Variants in EPHA6 observed in about 807,000 individuals in gnomAD.
EPHA6 encodes the protein ephrin type-A receptor 6.
In EPHA6, 50 loss-of-function variants were observed where a neutral mutation model predicts 112.0. That is an observed-to-expected ratio of 0.45 (90% confidence interval 0.36 to 0.56). EPHA6 has a LOEUF of 0.56. Among genes scored for constraint, EPHA6 ranks in the 20% least tolerant of loss-of-function variants. The pLI, the probability that EPHA6 is intolerant of heterozygous loss-of-function variation, is 0.00. For missense variants in EPHA6, 1,280 were observed against 1,417.4 expected (o/e 0.90, Z 1.56); for synonymous variants, 529 against 490.7 (o/e 1.08, Z -1.03).
intron 2 of EPHA6, among the ~76,000 whole-genome samples, chr3:96,979,355 C>T (rs895988008): frequency 2.0e-5 from 3 of 152,078 alleles, no homozygotes; most frequent in Non-Finnish European, 4.4e-5. Context: ...CCAGCTTCAT[C>T]CATGTCCCTA....
At chr3:97,585,657 A>G (rs1318004342) in intron 11 of EPHA6, among the ~76,000 whole-genome samples, 1 of 152,162 alleles carries the variant, frequency 6.6e-6, no homozygotes, top group Non-Finnish European at 1.5e-5. Flanking sequence ...TTTTAATTGT[A>G]TTTAGTGCTG....
chr3:97,143,794 GAGACTCC>G (rs1379272852), intron 3 of EPHA6, among the ~76,000 whole-genome samples: 8 of 151,832 alleles, frequency 5.3e-5, no homozygotes, highest in African/African-American at 1.4e-4. Context: ...AACAGAGGGG[GAGACTCC>G]TTTTTTAAGA....
chr3:96,994,759 A>AGAGC lies in EPHA6; in HGVS notation c.1114+6767_1114+6770dup, dbSNP rs1553684577. ...GAGAGAGAGAGAGAGAGAGAGAGAG[A>AGAGC]GAGCTATATATATACCTACAGGCTG... is the stretch of plus-strand genomic sequence containing the variant. On this transcript the variant is annotated intron_variant, in intron 3 of 17. Transcript: ENST00000389672. Among the ~76,000 whole-genome samples, 315 of 116,216 alleles carry AGAGC rather than the reference A, an allele frequency of 2.7e-3. 6 individuals are homozygous for AGAGC. Among genetic ancestry groups the AGAGC allele is most frequent in the Middle Eastern group, 0.018 (4 of 220 alleles). The allele number at this position is 116,216 out of a possible 152,430, so 76.2% of individuals were successfully genotyped here. A position where few individuals can be genotyped will look rare whatever the true frequency, so the allele number is the denominator to read the frequency against.
At chr3:97,603,226 T>C (rs1488225247) in intron 12 of EPHA6, among the ~76,000 whole-genome samples, 1 of 151,966 alleles carries the variant, frequency 6.6e-6, no homozygotes, top group African/African-American at 2.4e-5. Context: ...TTTTTTCCTA[T>C]ATGATAATTT....
chr3:97,022,373 T>G (rs568767355), intron 3 of EPHA6, among the ~76,000 whole-genome samples: 1 of 152,336 alleles, frequency 6.6e-6, no homozygotes, highest in East Asian at 1.9e-4. Context: ...CTTAGACAGA[T>G]GCTATAACTT....
chr3:97,057,717 A>C (rs1018301398), intron 3 of EPHA6, among the ~76,000 whole-genome samples: 4 of 152,196 alleles, frequency 2.6e-5, no homozygotes, highest in Non-Finnish European at 5.9e-5. Context: ...TGTATATAAG[A>C]GTGGGATATT....
At chr3:97,445,117 A>G (rs893788194) in intron 6 of EPHA6, among the ~76,000 whole-genome samples, 18 of 152,174 alleles carry the variant, frequency 1.2e-4, no homozygotes, top group African/African-American at 4.3e-4. Context: ...CAGGAATTGT[A>G]TGTATGTTTT....
At chr3:97,583,563 T>C (rs2093461127) in intron 11 of EPHA6, among the ~76,000 whole-genome samples, 1 of 151,606 alleles carries the variant, frequency 6.6e-6, no homozygotes, top group Admixed American at 6.6e-5. Context: ...AAAGAAATAC[T>C]TTGGTGTAAC....
intron 10 of EPHA6, among the ~76,000 whole-genome samples, chr3:97,497,219 G>A (rs779665986): frequency 6.6e-6 from 1 of 152,172 alleles, no homozygotes; most frequent in Non-Finnish European, 1.5e-5. Context: ...CTACTTAGCT[G>A]CCTCTTCAAT....
intron 2 of EPHA6, among the ~76,000 whole-genome samples, chr3:96,946,529 ATTC>A (rs2041269862): frequency 6.6e-6 from 1 of 152,150 alleles, no homozygotes; most frequent in Non-Finnish European, 1.5e-5. Flanking sequence ...GCTGCATAGT[ATTC>A]CATGGTGTAT....
chr3:97,426,749 T>C lies in EPHA6; in HGVS notation c.1731+21475T>C, dbSNP rs143769454. On this transcript the variant is annotated intron_variant, in intron 6 of 17. Transcript: ENST00000389672. The stretch of plus-strand genomic sequence containing the variant: ...CAACCAAAAGAAACTATCAACAGAG[T>C]AACTAGACAACCTACAGAATGGGAG... Among the ~76,000 whole-genome samples the C allele has an allele frequency of 2.9e-3, 444 of 152,058 alleles. 3 individuals are homozygous for C. Among genetic ancestry groups the C allele is most frequent in the African/African-American group, 0.01 (420 of 41,470 alleles).
In EPHA6 at chr3:97,592,072, G is replaced by T. The variant is rs151304218; in HGVS notation, c.2387-540G>T. Among the ~76,000 whole-genome samples, 96 of 152,208 alleles carry T rather than the reference G, an allele frequency of 6.3e-4. 1 individual carries two copies. The highest frequency in any genetic ancestry group is 2.2e-3 in the African/African-American group (93 of 41,528). On this transcript the variant is annotated intron_variant, in intron 11 of 17. Coordinates refer to ENST00000389672, the MANE Select transcript of EPHA6 (RefSeq NM_001080448.3). The stretch of plus-strand genomic sequence containing the variant: ...CAAACTCTCATGTCTTGTCCCTAAT[G>T]GAAAAGTATAACAAATTAATAATTG...
At chr3:97,020,015 A>G (rs564932562) in intron 3 of EPHA6, among the ~76,000 whole-genome samples, 2 of 152,242 alleles carry the variant, frequency 1.3e-5, no homozygotes, top group East Asian at 3.9e-4. Flanking sequence ...CTTTGGCCTT[A>G]GCAATAAGGT....
intron 2 of EPHA6, among the ~76,000 whole-genome samples, chr3:96,947,743 A>G (rs547364515): frequency 1.1e-4 from 16 of 152,326 alleles, no homozygotes; most frequent in African/African-American, 3.6e-4. Context: ...TCAATGAAAT[A>G]AAAGAGGATA....
chr3:97,048,904 G>A (rs1393710959), intron 3 of EPHA6, among the ~76,000 whole-genome samples: 1 of 152,184 alleles, frequency 6.6e-6, no homozygotes, highest in Non-Finnish European at 1.5e-5. Flanking sequence ...GGAGCAGGGG[G>A]ATGTGCAGTT....
At chr3:97,415,641 G>A (rs1028814761) in intron 6 of EPHA6, among the ~76,000 whole-genome samples, 1 of 152,018 alleles carries the variant, frequency 6.6e-6, no homozygotes, top group African/African-American at 2.4e-5. Context: ...AGAAGAGCTT[G>A]TTAAAGCACT....
chr3:97,299,356 A>G (rs1349627093), intron 5 of EPHA6, among the ~76,000 whole-genome samples: 5 of 152,066 alleles, frequency 3.3e-5, no homozygotes, highest in Admixed American at 6.6e-5. Flanking sequence ...TCCTTTCAAA[A>G]CTCAGGTAAG....
intron 11 of EPHA6, among the ~76,000 whole-genome samples, chr3:97,586,201 C>T (rs777806488): frequency 5.3e-5 from 8 of 152,318 alleles, no homozygotes; most frequent in South Asian, 2.1e-4. Flanking sequence ...GAGACCACAG[C>T]GAACTCCCAG....
chr3:97,161,611 C>CT (rs1000128295), intron 3 of EPHA6, among the ~76,000 whole-genome samples: 3 of 152,070 alleles, frequency 2.0e-5, no homozygotes, highest in Non-Finnish European at 2.9e-5. Flanking sequence ...GGCGCTGTGC[C>CT]TTTTTTTCTT....
Sources: gnomAD v4.1 joint callset for allele counts (sites outside exome capture counted in the v4.1 genomes callset) on GRCh38, gnomAD v4.1.1 for gene constraint, MANE v1.5 for transcripts, NCBI Gene and HGNC (gene_info 2026-07-23, HGNC 2026-07-21) for gene names.